Variants in DGKB observed in about 807,000 individuals in gnomAD.
The protein encoded by DGKB is 90 kDa diacylglycerol kinase.
In DGKB, 67 loss-of-function variants were observed where a neutral mutation model predicts 114.3. That is an observed-to-expected ratio of 0.59 (90% CI 0.48 to 0.72). DGKB has a LOEUF of 0.72. DGKB is among the 30% of genes least tolerant of loss of function. The pLI is 0.00. For synonymous variants in DGKB, 398 were observed against 323.1 expected (o/e 1.23, Z -2.49); for missense variants, 907 against 975.2 (o/e 0.93, Z 0.93).
chr7:14,418,480 CATACA>C, intron 21 of DGKB, among the ~76,000 whole-genome samples: 1 of 150,444 alleles, frequency 6.6e-6, no homozygotes, highest in Non-Finnish European at 1.5e-5. Flanking sequence ...AATAATACAG[CATACA>C]ATACAAAGTG....
intron 23 of DGKB, among the ~76,000 whole-genome samples, chr7:14,337,546 A>G (rs897553599): frequency 6.6e-6 from 1 of 152,082 alleles, no homozygotes; most frequent in Non-Finnish European, 1.5e-5. Context: ...TTGTTACTGA[A>G]ACTTGAACCA....
chr7:14,808,874 T>C (rs1017687948), intron 2 of DGKB, among the ~76,000 whole-genome samples: 3 of 152,170 alleles, frequency 2.0e-5, no homozygotes, highest in Admixed American at 2.0e-4. Context: ...CAACTGAAAA[T>C]AGAGGAATGA....
chr7:14,885,559 T>A lies in DGKB; in HGVS notation c.-188+17033A>T, dbSNP rs556536181. 7.2e-5 allele frequency among the ~76,000 whole-genome samples: 11 copies of A among 151,798 alleles called. No individual in the cohort carries two copies. In the South Asian group the frequency reaches 2.3e-3, roughly 32 times the overall value. ...AGGAGTGTACAGTGGCACATAGAGA[T>A]AAAATAAAAGGTGTGCTTCATTAAG... is the stretch of plus-strand genomic sequence containing the variant. On this transcript the variant is annotated intron_variant, in intron 1 of 25. Transcript: ENST00000402815.
intron 23 of DGKB, among the ~76,000 whole-genome samples, chr7:14,219,993 A>G: frequency 6.6e-6 from 1 of 151,836 alleles, no homozygotes; most frequent in Admixed American, 6.6e-5. Flanking sequence ...TGAGAAATGC[A>G]TCATTAGGTG....
At chr7:14,306,781 A>T (rs137867285) in intron 23 of DGKB, among the ~76,000 whole-genome samples, 298 of 152,302 alleles carry the variant, frequency 2.0e-3, no homozygotes, top group African/African-American at 6.9e-3. Context: ...TTATTAGGAA[A>T]GAAAGAAACA....
chr7:14,514,237 A>G (rs1380552947), intron 20 of DGKB, among the ~76,000 whole-genome samples: 1 of 152,080 alleles, frequency 6.6e-6, no homozygotes, highest in Non-Finnish European at 1.5e-5. Context: ...TTGAACCATG[A>G]TGATACATTT....
rs192962809 is a variant in DGKB at position 14,468,137 on chromosome 7, G to A, written c.1835+10024C>T. Among the ~76,000 whole-genome samples the A allele has an allele frequency of 1.4e-4, 22 of 152,022 alleles. No homozygotes were observed. The East Asian group carries it at 1.7e-3, about 12-fold the overall frequency. Reference sequence around the variant, plus strand: ...TCAAATTAACTAAATTATATGGCACGGATTTTATTTATACTAACAAAACAG... The same window carrying A: ...TCAAATTAACTAAATTATATGGCACAGATTTTATTTATACTAACAAAACAG... On this transcript the variant is annotated intron_variant, in intron 21 of 25. Coordinates refer to ENST00000402815, the MANE Select transcript of DGKB (RefSeq NM_001350709.2).
chr7:14,262,334 G>C (rs1360119169), intron 23 of DGKB, among the ~76,000 whole-genome samples: 1 of 152,148 alleles, frequency 6.6e-6, no homozygotes, highest in African/African-American at 2.4e-5. Context: ...GAGGTAATTA[G>C]GTCATGAGGG....
At chr7:14,699,746 C>A (rs1231270870) in intron 7 of DGKB, among the ~76,000 whole-genome samples, 1 of 151,876 alleles carries the variant, frequency 6.6e-6, no homozygotes, top group East Asian at 1.9e-4. Context: ...GGAGAAAACC[C>A]TAGAAATGAA....
chr7:14,521,751 G>GA (rs1227886043), intron 20 of DGKB, among the ~76,000 whole-genome samples: 3 of 152,000 alleles, frequency 2.0e-5, no homozygotes, highest in Non-Finnish European at 2.9e-5. Flanking sequence ...TAACATCTGG[G>GA]AAAATTCAGA....
intron 15 of DGKB, among the ~76,000 whole-genome samples, chr7:14,618,568 A>T (rs1038908044): frequency 6.6e-6 from 1 of 151,606 alleles, no homozygotes; most frequent in Non-Finnish European, 1.5e-5. Flanking sequence ...AAGAAGTCGC[A>T]GTTTCAATTA....
intron 5 of DGKB, among the ~76,000 whole-genome samples, chr7:14,729,163 C>T (rs1210322096): frequency 1.5e-5 from 2 of 134,044 alleles, no homozygotes; most frequent in Non-Finnish European, 3.1e-5. Context: ...CACTCTGTTG[C>T]CCAGGCTGGA....
chr7:14,836,782 C>T (rs560468121), intron 2 of DGKB, among the ~76,000 whole-genome samples: 2 of 152,350 alleles, frequency 1.3e-5, no homozygotes, highest in South Asian at 2.1e-4. Flanking sequence ...CAGCAGGCTC[C>T]GTATCAGCTG....
rs1781527872 is a variant in DGKB, at chr7:14,146,841, T to C, written c.*2290A>G. The stretch of plus-strand genomic sequence containing the variant: ...ACACTGAAGTGAAGCTGCATCCCAT[T>C]ATTTCAATCATTGAAATCTTATAAG... On this transcript the variant is annotated 3_prime_UTR_variant, in exon 26 of 26. Coordinates refer to ENST00000402815, the MANE Select transcript of DGKB (RefSeq NM_001350709.2). 1 of 152,160 alleles carries C rather than the reference T, an allele frequency of 6.6e-6. No homozygotes were observed. Among genetic ancestry groups the C allele is most frequent in the Admixed American group, 6.6e-5 (1 of 15,266 alleles). The allele number at this position is 152,160 out of a possible 1,614,324, so 9.4% of individuals were successfully genotyped here. A position where few individuals can be genotyped will look rare whatever the true frequency, so the allele number is the denominator to read the frequency against.
intron 21 of DGKB, among the ~76,000 whole-genome samples, chr7:14,355,408 G>T (rs1249613284): frequency 6.6e-6 from 1 of 152,190 alleles, no homozygotes; most frequent in Non-Finnish European, 1.5e-5. Context: ...GATATTGGCT[G>T]TGGATGTGTC....
At chr7:14,538,085 CAAAAAAA>C (rs58405374) in intron 20 of DGKB, among the ~76,000 whole-genome samples, 1 of 44,798 alleles carries the variant, frequency 2.2e-5, no homozygotes, top group Non-Finnish European at 4.5e-5. Flanking sequence ...ATCTCTGTCT[CAAAAAAA>C]AAAAAAAAAA....
chr7:14,511,760 C>T (rs1462803076), intron 20 of DGKB, among the ~76,000 whole-genome samples: 1 of 152,140 alleles, frequency 6.6e-6, no homozygotes, highest in East Asian at 1.9e-4. Flanking sequence ...ATATGCAACT[C>T]TTCCTTTCAC....
intron 14 of DGKB, 108 bp downstream of exon 14, chr7:14,630,128 T>A (rs1393991509): frequency 4.9e-6 from 3 of 607,326 alleles, no homozygotes; most frequent in Non-Finnish European, 8.1e-6. Flanking sequence ...AAATATAACA[T>A]GCTGGTATTC....
chr7:14,617,470 C>T (rs1525093), intron 15 of DGKB, among the ~76,000 whole-genome samples: 8,491 of 151,650 alleles, frequency 0.056, 436 homozygotes, highest in African/African-American at 0.14. Context: ...TCCATCCTAA[C>T]AAGCCTACGT....
Sources: gnomAD v4.1 joint callset for allele counts (sites outside exome capture counted in the v4.1 genomes callset) on GRCh38, gnomAD v4.1.1 for gene constraint, MANE v1.5 for transcripts, NCBI Gene and HGNC (gene_info 2026-07-23, HGNC 2026-07-21) for gene names.